IMMP2L: variants seen among roughly 807,000 people sequenced by gnomAD.
IMMP2L encodes inner mitochondrial membrane peptidase subunit 2, also known as mitochondrial inner membrane protease subunit 2.
Under a neutral mutation model 19.3 loss-of-function variants are expected in IMMP2L, and 18 were observed. That is an observed-to-expected ratio of 0.93 (90% confidence interval 0.64 to 1.38). IMMP2L has a LOEUF of 1.38. Ranked by LOEUF, IMMP2L falls within the 40% of genes most tolerant of loss-of-function variation. The probability of loss-of-function intolerance (pLI) is 0.00; values close to 1 mark genes in which losing one functional copy is unlikely to be tolerated. For synonymous variants in IMMP2L, 76 were observed against 73.0 expected (o/e 1.04, Z -0.21); for missense variants, 233 against 218.2 (o/e 1.07, Z -0.43).
At chr7:110,922,155 T>C (rs2129550590) in intron 4 of IMMP2L, among the ~76,000 whole-genome samples, 1 of 152,244 alleles carries the variant, frequency 6.6e-6, no homozygotes, top group Non-Finnish European at 1.5e-5. Context: ...GCTTTGAAAA[T>C]AGAAGCATTT....
At chr7:111,500,422 C>T (rs971615959) in intron 2 of IMMP2L, among the ~76,000 whole-genome samples, 17 of 152,214 alleles carry the variant, frequency 1.1e-4, no homozygotes, top group Non-Finnish European at 1.9e-4. Context: ...CCTCTGCAGA[C>T]TTAAATGTCC....
At chr7:110,790,906 T>C (rs1800417473) in intron 5 of IMMP2L, among the ~76,000 whole-genome samples, 1 of 151,270 alleles carries the variant, frequency 6.6e-6, no homozygotes, top group Non-Finnish European at 1.5e-5. Flanking sequence ...ACATAAGAAA[T>C]ACCTATGTGT....
intron 3 of IMMP2L, among the ~76,000 whole-genome samples, chr7:111,225,586 T>C (rs1404597747): frequency 1.3e-5 from 2 of 151,740 alleles, no homozygotes; most frequent in African/African-American, 4.8e-5. Flanking sequence ...ACTTATTGAG[T>C]TTTGGTATAA....
chr7:111,190,964 C>G (rs948052739), intron 3 of IMMP2L, among the ~76,000 whole-genome samples: 4 of 152,040 alleles, frequency 2.6e-5, no homozygotes, highest in African/African-American at 9.7e-5. Context: ...TGACCCATAG[C>G]AAACATCAAT....
At chr7:110,848,835 T>A (rs1346067723) in intron 5 of IMMP2L, among the ~76,000 whole-genome samples, 3 of 152,066 alleles carry the variant, frequency 2.0e-5, no homozygotes, top group Non-Finnish European at 2.9e-5. Flanking sequence ...CGATTTCAAA[T>A]ATATGACATT....
At chr7:111,327,063 T>C (rs1285126735) in intron 3 of IMMP2L, among the ~76,000 whole-genome samples, 1 of 151,608 alleles carries the variant, frequency 6.6e-6, no homozygotes, top group Non-Finnish European at 1.5e-5. Context: ...GGCATATGGA[T>C]GGGGAAAAAG....
chr7:111,453,721 C>T (rs986878667), intron 3 of IMMP2L, among the ~76,000 whole-genome samples: 8 of 152,128 alleles, frequency 5.3e-5, no homozygotes, highest in African/African-American at 1.9e-4. Context: ...TTATCCCTCA[C>T]CAATGTCTTG....
intron 5 of IMMP2L, among the ~76,000 whole-genome samples, chr7:110,836,420 T>C (rs1804478999): frequency 6.6e-6 from 1 of 152,138 alleles, no homozygotes. Context: ...GTCTTTCCTG[T>C]GCTGTTCTTG....
At chr7:110,977,804 T>C (rs1035558846) in intron 3 of IMMP2L, among the ~76,000 whole-genome samples, 13 of 152,044 alleles carry the variant, frequency 8.6e-5, no homozygotes, top group African/African-American at 3.1e-4. Context: ...TAATTAAAGA[T>C]AGTACAGATA....
intron 3 of IMMP2L, among the ~76,000 whole-genome samples, chr7:111,222,934 T>C (rs993051587): frequency 2.6e-5 from 4 of 151,944 alleles, no homozygotes; most frequent in Non-Finnish European, 5.9e-5. Flanking sequence ...CAGCCATCAA[T>C]AGTACAACAG....
At chr7:111,037,463 T>G (rs1259933601) in intron 3 of IMMP2L, among the ~76,000 whole-genome samples, 2 of 152,132 alleles carry the variant, frequency 1.3e-5, no homozygotes, top group Non-Finnish European at 2.9e-5. Flanking sequence ...ACACTTCAGA[T>G]GCATTAGTAG....
At chr7:110,909,687 T>G (rs1353818145) in intron 4 of IMMP2L, among the ~76,000 whole-genome samples, 1 of 152,154 alleles carries the variant, frequency 6.6e-6, no homozygotes, top group Non-Finnish European at 1.5e-5. Context: ...TCAGGCCCTC[T>G]TGAGTTGAGC....
intron 3 of IMMP2L, among the ~76,000 whole-genome samples, chr7:111,284,137 G>A (rs147342679): frequency 7.4e-4 from 112 of 151,322 alleles, no homozygotes; most frequent in African/African-American, 2.3e-3. Context: ...CCACAGTTAC[G>A]GGCTCAATGC....
intron 3 of IMMP2L, among the ~76,000 whole-genome samples, chr7:111,167,582 T>C (rs1301413275): frequency 6.6e-6 from 1 of 151,882 alleles, no homozygotes; most frequent in East Asian, 1.9e-4. Context: ...AACAAATGGA[T>C]TGTTGCAGTT....
intron 3 of IMMP2L, among the ~76,000 whole-genome samples, chr7:111,118,218 T>C (rs995032856): frequency 3.3e-5 from 5 of 152,118 alleles, no homozygotes; most frequent in Non-Finnish European, 7.4e-5. Flanking sequence ...ATCTTATTTA[T>C]TGCTGACTTT....
At chr7:111,436,433 T>C (rs907708558) in intron 3 of IMMP2L, among the ~76,000 whole-genome samples, 3 of 151,684 alleles carry the variant, frequency 2.0e-5, no homozygotes, top group Non-Finnish European at 4.4e-5. Context: ...GCATAATATT[T>C]CATAAACTAG....
intron 3 of IMMP2L, among the ~76,000 whole-genome samples, chr7:111,061,772 T>C (rs1794040551): frequency 6.6e-6 from 1 of 152,246 alleles, no homozygotes; most frequent in Non-Finnish European, 1.5e-5. Context: ...TTTAAAAGTG[T>C]AAACTCAATG....
chr7:111,541,371 T>A (rs1207226325), intron 1 of IMMP2L, among the ~76,000 whole-genome samples: 1 of 152,138 alleles, frequency 6.6e-6, no homozygotes, highest in Non-Finnish European at 1.5e-5. Context: ...TAAACACAAG[T>A]GGGTAGTTGG....
intron 1 of IMMP2L, among the ~76,000 whole-genome samples, chr7:111,539,055 G>C (rs1848166743): frequency 6.7e-6 from 1 of 149,916 alleles, no homozygotes; most frequent in Non-Finnish European, 1.5e-5. Context: ...GAGAGACGGA[G>C]GTTGCAGTGA....
Sources: allele counts gnomAD v4.1 joint callset (sites outside exome capture counted in the v4.1 genomes callset), GRCh38; gene constraint gnomAD v4.1.1; transcripts MANE v1.5; gene names NCBI Gene and HGNC (gene_info 2026-07-23, HGNC 2026-07-21).